The following SCAMP4 variants were observed in gnomAD, a reference collection of about 807,000 sequenced individuals.
SCAMP4 encodes secretory carrier membrane protein 4.
In SCAMP4, 19 loss-of-function variants were observed where a neutral mutation model predicts 32.1. The ratio of observed to expected loss-of-function variants is 0.59; its 90% CI spans 0.41 to 0.87. The LOEUF is 0.87. Among genes scored for constraint, SCAMP4 ranks in the 40% least tolerant of loss-of-function variants. The pLI is 0.00. For synonymous variants in SCAMP4, 152 were observed against 132.7 expected (o/e 1.15, Z -1.00); for missense variants, 302 against 309.0 (o/e 0.98, Z 0.17).
At chr19:1,912,270 C>T (rs963335594) in intron 1 of SCAMP4, 13 of 1,592,694 alleles carry the variant, frequency 8.2e-6, no homozygotes, top group Non-Finnish European at 1.1e-5. Flanking sequence ...GACCTCACGC[C>T]TCCTGAAGGA....
chr19:1,917,680 C>T lies in SCAMP4; in HGVS notation c.8-14C>T, dbSNP rs781776756. The stretch of plus-strand genomic sequence containing the variant: ...CAAAGTCTGGTTCTGTCCGTGGGTT[C>T]TCTGTCCCTACAGAAAAGGAGAACA... On this transcript the variant is annotated splice_polypyrimidine_tract_variant and intron_variant, in intron 2 of 6. Transcript: ENST00000316097. The T allele has an allele frequency of 2.2e-5, 35 of 1,613,692 alleles. No homozygotes were observed. The highest frequency in any genetic ancestry group is 2.5e-6 in the Non-Finnish European group (3 of 1,179,834).
At chr19:1,922,903 C>T (rs140244783) in intron 5 of SCAMP4, 167 bp from the exon 6 acceptor site, 7 of 1,335,222 alleles carry the variant, frequency 5.2e-6, no homozygotes, top group African/African-American at 1.5e-5. Flanking sequence ...GAAGTTGGTG[C>T]CTCTCAGTAT....
intron 1 of SCAMP4, chr19:1,905,728 T>G (rs953742997): frequency 6.6e-6 from 1 of 152,444 alleles, no homozygotes; most frequent in African/African-American, 2.4e-5. Context: ...TTATGGTCGG[T>G]GCGGGAGACC....
intron 2 of SCAMP4, among the ~76,000 whole-genome samples, chr19:1,915,743 G>A (rs1056350587): frequency 5.3e-5 from 8 of 152,036 alleles, no homozygotes; most frequent in Non-Finnish European, 7.4e-5. Flanking sequence ...TCAGGAGATC[G>A]AGACCATCCT....
chr19:1,912,924 T>C, intron 1 of SCAMP4: 2 of 1,610,146 alleles, frequency 1.2e-6, no homozygotes, highest in African/African-American at 1.3e-5. Context: ...CGGCCTCCCC[T>C]ACCTGTGCAC....
rs569971733 is a variant in SCAMP4 at position 1,919,818 on chromosome 19, A to T, written c.395+828A>T. ...CCGGCCCTTTTTTTAAACTATTATT[A>T]TTTTTTTTTGAGATGGAGTCGCTCT... On this transcript the variant is annotated intron_variant, in intron 5 of 6. Transcript: ENST00000316097. Among the ~76,000 whole-genome samples the T allele has an allele frequency of 3.5e-4, 46 of 131,036 alleles. No individual in the cohort carries two copies. In the South Asian group the frequency reaches 4.2e-3, roughly 12 times the overall value. 86.0% of individuals were successfully genotyped at this position (131,036 alleles called of 152,430 possible).
chr19:1,917,162 C>T lies in SCAMP4; in HGVS notation c.8-532C>T, dbSNP rs188660461. Among the ~76,000 whole-genome samples, 56 of 152,168 alleles carry T rather than the reference C, an allele frequency of 3.7e-4. 1 individual carries two copies. The East Asian group carries it at 9.3e-3, about 25-fold the overall frequency. On this transcript the variant is annotated intron_variant, in intron 2 of 6. Transcript: ENST00000316097. ...TAAAAAGAAAAATCCAAAAATTAGCCGGGTGTGGTGGTGGGCGCCTGTAAT... is the reference window on the plus strand; with the variant it reads ...TAAAAAGAAAAATCCAAAAATTAGCTGGGTGTGGTGGTGGGCGCCTGTAAT...
At chr19:1,909,521 T>C (rs2013322852) in intron 1 of SCAMP4, among the ~76,000 whole-genome samples, 1 of 151,938 alleles carries the variant, frequency 6.6e-6, no homozygotes, top group South Asian at 2.1e-4. Context: ...GCAGGGATGG[T>C]AACGGCTTTA....
At position 1,924,399 on chromosome 19, in the gene SCAMP4, G is replaced by A. The variant is rs559960018; in HGVS notation, c.*115G>A. On this transcript the variant is annotated 3_prime_UTR_variant, in exon 7 of 7. Coordinates refer to ENST00000316097, the MANE Select transcript of SCAMP4 (RefSeq NM_079834.4). ...CCCCATCCCCCCAGCTGGGATGGTG[G>A]AAGCCGGTGGTGGCCACGGACCGCC... 2,466 of 926,666 alleles carry A rather than the reference G, an allele frequency of 2.7e-3. 5 individuals carry two copies. Among genetic ancestry groups the A allele is most frequent in the Non-Finnish European group, 3.2e-3 (1,951 of 616,804 alleles). 57.4% of individuals were successfully genotyped at this position (926,666 alleles called of 1,614,324 possible).
intron 1 of SCAMP4, among the ~76,000 whole-genome samples, chr19:1,913,686 G>C (rs8110770): frequency 0.26 from 38,815 of 152,154 alleles, 7,854 homozygotes; most frequent in African/African-American, 0.55. Flanking sequence ...AGTCCACAGG[G>C]CACCGACCCT....
rs764117302 is a variant in SCAMP4 at position 1,908,509 on chromosome 19, C to G, written c.-42+3070C>G. The G allele has an allele frequency of 2.1e-6, 1 of 471,064 alleles. No homozygotes were observed. Among genetic ancestry groups the G allele is most frequent in the Non-Finnish European group, 4.4e-6 (1 of 227,024 alleles). 29.2% of individuals were successfully genotyped at this position (471,064 alleles called of 1,614,324 possible). ...CTGCGGGAGGAGCCGTCCATACCAG[C>G]GGGGATGTGTAGTCCAGGCTGGCAG... On this transcript the variant is annotated intron_variant, in intron 1 of 6. Coordinates refer to ENST00000316097, the MANE Select transcript of SCAMP4 (RefSeq NM_079834.4). The surrounding 1 kb of genome is among the most constrained non-coding windows in gnomAD (Gnocchi z 4.2).
intron 5 of SCAMP4, chr19:1,920,347 A>C (rs563659182): frequency 4.2e-6 from 4 of 951,316 alleles, no homozygotes; most frequent in Non-Finnish European, 5.0e-6. Flanking sequence ...CTCTCACGCC[A>C]GTGCACAGAT....
chr19:1,911,890 G>A lies in SCAMP4; in HGVS notation c.-41-3089G>A, dbSNP rs1191458810. The A allele has an allele frequency of 5.7e-6, 5 of 872,976 alleles. No homozygotes were observed. The African/African-American group carries it at 8.9e-5, about 16-fold the overall frequency. The allele number at this position is 872,976 out of a possible 1,614,324, so 54.1% of individuals were successfully genotyped here. The stretch of plus-strand genomic sequence containing the variant: ...GCTGTTTAAACTCTGTGCACACCAG[G>A]GGTTAGCAGGACATGAGGGAGTGTA... On this transcript the variant is annotated intron_variant, in intron 1 of 6. Transcript: ENST00000316097.
chr19:1,906,107 C>G (rs148475697), intron 1 of SCAMP4: 3 of 152,264 alleles, frequency 2.0e-5, no homozygotes, highest in African/African-American at 7.2e-5. Flanking sequence ...ACCCTATAAC[C>G]CCAGCACTTT....
At chr19:1,907,674 A>T (rs1357454834) in intron 1 of SCAMP4, among the ~76,000 whole-genome samples, 1 of 152,096 alleles carries the variant, frequency 6.6e-6, no homozygotes, top group Non-Finnish European at 1.5e-5. Flanking sequence ...GCCTGGAGCT[A>T]TGCCGGTTCC....
rs1433762075 is a variant in SCAMP4, at chr19:1,923,086, A to G, written c.412A>G (p.Ile138Val). Residue 138 changes from isoleucine to valine, a missense_variant, in exon 6 of 7, where the codon ATT (isoleucine) becomes GTT (valine). By Grantham distance (29) the Ile-to-Val change is conservative. Transcript: ENST00000316097. Reference sequence around the variant, plus strand: ...CCCTTGCAGCGGCTGGCTGTCGGCAATTGGATTCTTCCAGTACAGCCCGGG... The same window carrying G: ...CCCTTGCAGCGGCTGGCTGTCGGCAGTTGGATTCTTCCAGTACAGCCCGGG... ...GWGACGWLSA[I>V]GFFQYSPGAA... 1.0e-5 allele frequency: 16 copies of G among 1,550,092 alleles called. No homozygotes were observed. The highest frequency in any genetic ancestry group is 1.2e-5 in the Non-Finnish European group (14 of 1,146,402).
intron 5 of SCAMP4, 155 bp from the exon 6 acceptor site, chr19:1,922,915 G>C (rs1000693388): frequency 5.2e-6 from 7 of 1,351,694 alleles, no homozygotes; most frequent in Non-Finnish European, 6.6e-6. Context: ...TCTCAGTATC[G>C]CTTTATGTTT....
At chr19:1,919,498 T>TG in intron 5 of SCAMP4, 2 of 910,034 alleles carry the variant, frequency 2.2e-6, no homozygotes, top group Non-Finnish European at 2.6e-6. Flanking sequence ...TCTTTTCTTT[T>TG]TTTTTTTTTT....
chr19:1,918,567 G>A (rs1014439981), intron 4 of SCAMP4: 8 of 505,808 alleles, frequency 1.6e-5, no homozygotes, highest in East Asian at 3.6e-5. Context: ...TTCAAGACCA[G>A]CCTGGCCAAC....
Sources: gnomAD v4.1 joint callset for allele counts (sites outside exome capture counted in the v4.1 genomes callset) on GRCh38, gnomAD v4.1.1 for gene constraint, Gnocchi (gnomAD v3.1) non-coding constraint, MANE v1.5 for transcripts, NCBI Gene and HGNC (gene_info 2026-07-23, HGNC 2026-07-21) for gene names.